Variants in ZC3H12B observed in about 807,000 individuals in gnomAD.
The protein encoded by ZC3H12B is zinc finger CCCH-type containing 12B.
Under a neutral mutation model 43.9 loss-of-function variants are expected in ZC3H12B, and 7 were observed. The observed-to-expected ratio is 0.16, with a 90% confidence interval of 0.09 to 0.30. The LOEUF (loss-of-function observed/expected upper bound fraction) is 0.30, where lower values mean the gene tolerates loss of function less well. Ranked by LOEUF, ZC3H12B falls within the 10% of genes least tolerant of loss-of-function variation. The pLI, the probability that ZC3H12B is intolerant of heterozygous loss-of-function variation, is 1.00. For missense variants in ZC3H12B, 475 were observed against 670.2 expected (o/e 0.71, Z 3.22); for synonymous variants, 222 against 241.7 (o/e 0.92, Z 0.76).
the ZC3H12B span, among the ~76,000 whole-genome samples, chrX:65,201,674 C>A: frequency 1.0e-5 from 1 of 99,294 alleles, no homozygotes; most frequent in Non-Finnish European, 2.0e-5. Flanking sequence ...CTCTCTCTCT[C>A]TCTCTCCAGG....
chrX:65,118,030 G>A, the ZC3H12B span, among the ~76,000 whole-genome samples: 2 of 111,789 alleles, frequency 1.8e-5, no homozygotes, highest in Non-Finnish European at 3.8e-5. Context: ...GCTTAGGATT[G>A]TCTTGGCAAT....
chrX:65,353,601 C>T, the ZC3H12B span, among the ~76,000 whole-genome samples: 1 of 111,926 alleles, frequency 8.9e-6, no homozygotes, highest in African/African-American at 3.2e-5. Flanking sequence ...GCCTGGAATG[C>T]CAGTGAGACA....
chrX:65,159,989 T>C, the ZC3H12B span, among the ~76,000 whole-genome samples: 3 of 112,169 alleles, frequency 2.7e-5, no homozygotes, highest in Admixed American at 9.5e-5. Context: ...TTGAATTTTG[T>C]CAAAGGCCTT....
At chrX:65,143,230 G>A in the ZC3H12B span, among the ~76,000 whole-genome samples, 3 of 111,046 alleles carry the variant, frequency 2.7e-5, no homozygotes, top group South Asian at 1.1e-3. Flanking sequence ...TCTTGGTTAG[G>A]TATATTCTTA....
At chrX:65,501,931 G>A in exon 5 of ZC3H12B, 1 of 1,211,103 alleles carries the variant, frequency 8.3e-7, no homozygotes, top group Non-Finnish European at 1.1e-6. Context: ...CCCTGGCCAA[G>A]TGTGGCACAG....
At chrX:65,498,238 AG>A (rs2068318500) in intron 2 of ZC3H12B, among the ~76,000 whole-genome samples, 1 of 111,930 alleles carries the variant, frequency 8.9e-6, no homozygotes, top group African/African-American at 3.2e-5. Flanking sequence ...GAAGGAGCCT[AG>A]GAAAGCAAAA....
chrX:65,108,572 A>G, the ZC3H12B span, among the ~76,000 whole-genome samples: 1 of 109,514 alleles, frequency 9.1e-6, no homozygotes, highest in African/African-American at 3.3e-5. Flanking sequence ...GCTGTCACCT[A>G]CTATGATAAC....
At chrX:65,463,749 A>G (rs1336123450) in intron 3 of ZC3H12B, among the ~76,000 whole-genome samples, 1 of 111,055 alleles carries the variant, frequency 9.0e-6, no homozygotes, top group Non-Finnish European at 1.9e-5. Flanking sequence ...GGCATTCAAA[A>G]TATGCTGGTT....
the ZC3H12B span, among the ~76,000 whole-genome samples, chrX:65,239,433 CTCCA>C: frequency 9.2e-6 from 1 of 108,888 alleles, no homozygotes; most frequent in East Asian, 2.9e-4. Flanking sequence ...ATATTTTTTC[CTCCA>C]TCCCTTTATT....
the ZC3H12B span, among the ~76,000 whole-genome samples, chrX:65,278,143 A>G: frequency 2.7e-5 from 3 of 112,050 alleles, no homozygotes; most frequent in African/African-American, 9.7e-5. Context: ...GAAGACTAAT[A>G]TAAACAAATA....
At chrX:65,438,547 A>C (rs1375820448) in intron 3 of ZC3H12B, among the ~76,000 whole-genome samples, 1 of 112,572 alleles carries the variant, frequency 8.9e-6, no homozygotes, top group Admixed American at 9.4e-5. Context: ...GTGGGAAATC[A>C]GGGGTCTCAT....
At chrX:65,456,587 C>T (rs1181442040) in intron 3 of ZC3H12B, among the ~76,000 whole-genome samples, 75 of 105,681 alleles carry the variant, frequency 7.1e-4, no homozygotes, top group African/African-American at 2.2e-3. Flanking sequence ...TGCAGGCGCG[C>T]GCCGCCACGC....
intron 3 of ZC3H12B, among the ~76,000 whole-genome samples, chrX:65,457,766 C>T (rs1224984523): frequency 7.9e-5 from 5 of 63,660 alleles, no homozygotes; most frequent in Admixed American, 6.6e-4. Flanking sequence ...GTGACCTTAT[C>T]CCCAACCCTG....
At chrX:65,331,357 G>A in the ZC3H12B span, 1 of 111,339 alleles carries the variant, frequency 9.0e-6, no homozygotes, top group Non-Finnish European at 1.9e-5. Context: ...AAATTGGAGA[G>A]CATTGAGATA....
the ZC3H12B span, among the ~76,000 whole-genome samples, chrX:65,097,370 T>C: frequency 6.2e-5 from 7 of 112,005 alleles, no homozygotes; most frequent in African/African-American, 2.3e-4. Context: ...ATGAATCATC[T>C]ATAATAGTAA....
At chrX:65,239,280 G>C in the ZC3H12B span, among the ~76,000 whole-genome samples, 1 of 111,170 alleles carries the variant, frequency 9.0e-6, no homozygotes, top group African/African-American at 3.3e-5. Flanking sequence ...TATGTATTTA[G>C]GATAGTTAGC....
At chrX:65,352,735 A>G in the ZC3H12B span, among the ~76,000 whole-genome samples, 1 of 111,903 alleles carries the variant, frequency 8.9e-6, no homozygotes, top group Non-Finnish European at 1.9e-5. Context: ...CATTTTTCCA[A>G]CAATGTATGC....
chrX:65,407,735 G>A (rs907563268), intron 3 of ZC3H12B, among the ~76,000 whole-genome samples: 2 of 113,621 alleles, frequency 1.8e-5, no homozygotes, highest in African/African-American at 3.2e-5. Flanking sequence ...GAGTCACCGC[G>A]CCCCCGCCTC....
the ZC3H12B span, among the ~76,000 whole-genome samples, chrX:65,155,050 A>T: frequency 1.7e-4 from 18 of 108,916 alleles, no homozygotes; most frequent in Non-Finnish European, 3.1e-4. Flanking sequence ...CTGCCTCCTA[A>T]GCTCAAGCCA....
Sources: allele counts gnomAD v4.1 joint callset (sites outside exome capture counted in the v4.1 genomes callset), GRCh38; gene constraint gnomAD v4.1.1; transcripts MANE v1.5; gene names NCBI Gene and HGNC (gene_info 2026-07-23, HGNC 2026-07-21).